The following NUDT7 variants were observed in gnomAD, a reference collection of about 807,000 sequenced individuals.
NUDT7 encodes the protein peroxisomal coenzyme A diphosphatase NUDT7.
A neutral mutation model predicts 13.1 loss-of-function variants in NUDT7; 19 were observed. That is an observed-to-expected ratio of 1.45 (90% CI 1.01 to 2.13). The LOEUF (loss-of-function observed/expected upper bound fraction) is 2.13. NUDT7 is among the 30% of genes most tolerant of loss of function. The pLI, the probability that NUDT7 is intolerant of heterozygous loss-of-function variation, is 0.00. For synonymous variants in NUDT7, 132 were observed against 109.7 expected, an observed-to-expected ratio of 1.20 and a Z score of -1.27; for missense variants, 360 against 291.7, an observed-to-expected ratio of 1.23 and a Z score of -1.71.
intron 3 of NUDT7, among the ~76,000 whole-genome samples, chr16:77,738,107 T>A (rs769294318): frequency 2.6e-5 from 4 of 152,228 alleles, no homozygotes; most frequent in Non-Finnish European, 5.9e-5. Context: ...TGTCAATTAC[T>A]TTTCCATTTG....
chr16:77,735,548 C>T lies in NUDT7; in HGVS notation c.190-280C>T, dbSNP rs545786427. The T allele has an allele frequency of 3.1e-5, 17 of 542,458 alleles. No individual in the cohort carries two copies. The East Asian group carries it at 4.8e-4, about 15-fold the overall frequency. The allele number at this position is 542,458 out of a possible 1,614,324, so 33.6% of individuals were successfully genotyped here. A position where few individuals can be genotyped will look rare whatever the true frequency, so the allele number is the denominator to read the frequency against. ...CTCTTTTCTTTATAAACTACCCAGT[C>T]TCAGTTATTTATTTATAGCAGTGCA... On this transcript the variant is annotated intron_variant, in intron 2 of 3. Coordinates refer to ENST00000268533, the MANE Select transcript of NUDT7 (RefSeq NM_001105663.3).
In NUDT7 at chr16:77,725,488, A is replaced by G. The variant is rs781635296; in HGVS notation, c.93A>G (p.Lys31=). ...TAAGAAAGTATGATATTGGAGGCAA[A>G]TATTCTCACTTGCCATATAACAAAT... ...ARLRKYDIGG[K]YSHLPYNKYS... Residue 31 remains lysine (K), a synonymous_variant, in exon 2 of 4, where the codon AAA becomes AAG. Transcript: ENST00000268533. 7 of 1,613,510 alleles carry G rather than the reference A, an allele frequency of 4.3e-6. No individual in the cohort carries two copies. Among genetic ancestry groups the G allele is most frequent in the Non-Finnish European group, 5.9e-6 (7 of 1,179,454 alleles).
chr16:77,733,575 T>A (rs2014384666), intron 2 of NUDT7, among the ~76,000 whole-genome samples: 1 of 152,228 alleles, frequency 6.6e-6, no homozygotes, highest in Admixed American at 6.5e-5. Context: ...CTTACATAGA[T>A]ATATGGCCTA....
intron 2 of NUDT7, among the ~76,000 whole-genome samples, chr16:77,727,524 A>G (rs915334027): frequency 2.0e-5 from 3 of 152,214 alleles, no homozygotes; most frequent in African/African-American, 7.2e-5. Flanking sequence ...ACCTCTGCCA[A>G]TAAGCACAGG....
chr16:77,740,250 G>T (rs1186010784), intron 3 of NUDT7, among the ~76,000 whole-genome samples: 2 of 152,168 alleles, frequency 1.3e-5, no homozygotes, highest in Non-Finnish European at 2.9e-5. Flanking sequence ...TTAATGGTCT[G>T]AGTTGTCTCT....
chr16:77,735,992 G>C lies in NUDT7; in HGVS notation c.348+6G>C, dbSNP rs759307951. The C allele has an allele frequency of 2.2e-5, 36 of 1,613,462 alleles. No individual in the cohort carries two copies. Among genetic ancestry groups the C allele is most frequent in the South Asian group, 4.4e-5 (4 of 91,050 alleles). ...TGGTGCCATGTCTTATTGATGTAAGGGTTTCCTGAGACACTCATGAGCACC... is the reference window on the plus strand; with the variant it reads ...TGGTGCCATGTCTTATTGATGTAAGCGTTTCCTGAGACACTCATGAGCACC... On this transcript the variant is annotated splice_donor_region_variant and intron_variant, in intron 3 of 3. Transcript: ENST00000268533.
rs370686788 is a variant in NUDT7 at position 77,722,533 on chromosome 16, G to A, written c.-50G>A. Reference sequence around the variant, plus strand: ...AGAGCTGCTCTGCGCAAGCGCGACCGACCGAGCAGCTCCGAGGAGTCCGCC... The same window carrying A: ...AGAGCTGCTCTGCGCAAGCGCGACCAACCGAGCAGCTCCGAGGAGTCCGCC... On this transcript the variant is annotated 5_prime_UTR_variant, in exon 1 of 4. Transcript: ENST00000268533. 3.2e-6 allele frequency: 5 copies of A among 1,539,704 alleles called. No homozygotes were observed. Among genetic ancestry groups the A allele is most frequent in the Middle Eastern group, 1.8e-4 (1 of 5,622 alleles).
Position 77,735,868 on chromosome 16 carries a change from A to G in NUDT7, c.230A>G (p.Lys77Arg). 1 of 1,614,112 alleles carries G rather than the reference A, an allele frequency of 6.2e-7. No homozygotes were observed. Among genetic ancestry groups the G allele is most frequent in the Non-Finnish European group, 8.5e-7 (1 of 1,179,982 alleles). ...APGEVCFPGG[K>R]RDPTDMDDAA... ...GGAGAAGTTTGCTTCCCTGGAGGTA[A>G]GCGTGACCCTACAGACATGGATGAT... The change falls in exon 3 of 4, where the codon AAG becomes AGG. Residue 77 changes from lysine to arginine, a missense_variant. By Grantham distance (26) the Lys-to-Arg change is conservative. Transcript: ENST00000268533.
intron 2 of NUDT7, among the ~76,000 whole-genome samples, chr16:77,730,521 C>T (rs1006132822): frequency 1.3e-5 from 2 of 152,116 alleles, no homozygotes; most frequent in African/African-American, 2.4e-5. Flanking sequence ...TTGATGGATA[C>T]TCAGGTTGAT....
chr16:77,735,716 TG>T, intron 2 of NUDT7, 111 bp from the exon 3 acceptor site: 1 of 968,422 alleles, frequency 1.0e-6, no homozygotes, highest in Non-Finnish European at 1.6e-6. Context: ...TACCACCACC[TG>T]GGTAAGAATG....
chr16:77,727,167 G>A (rs553483032), intron 2 of NUDT7, among the ~76,000 whole-genome samples: 1 of 152,242 alleles, frequency 6.6e-6, no homozygotes, highest in East Asian at 1.9e-4. Flanking sequence ...TTTGGGCAAG[G>A]ACAAATATCG....
intron 2 of NUDT7, among the ~76,000 whole-genome samples, chr16:77,732,257 G>A (rs1317879006): frequency 6.6e-6 from 1 of 151,980 alleles, no homozygotes; most frequent in African/African-American, 2.4e-5. Flanking sequence ...GAACTCAGGA[G>A]TCAGAGGCTG....
intron 1 of NUDT7, among the ~76,000 whole-genome samples, chr16:77,723,869 G>A (rs1428590754): frequency 1.3e-5 from 2 of 152,162 alleles, no homozygotes; most frequent in Non-Finnish European, 2.9e-5. Flanking sequence ...CGGGATTACA[G>A]GCATGAGCCA....
At chr16:77,728,395 G>C (rs113265715) in intron 2 of NUDT7, among the ~76,000 whole-genome samples, 14,462 of 152,104 alleles carry the variant, frequency 0.095, 725 homozygotes, top group South Asian at 0.12. Context: ...ACCACGCCTG[G>C]CTAATTTTTG....
chr16:77,728,546 C>T (rs1483760621), intron 2 of NUDT7, among the ~76,000 whole-genome samples: 1 of 152,058 alleles, frequency 6.6e-6, no homozygotes, highest in Non-Finnish European at 1.5e-5. Flanking sequence ...CTGCAAAGTT[C>T]GTAAATCTCT....
intron 2 of NUDT7, among the ~76,000 whole-genome samples, chr16:77,733,085 G>A (rs1337191290): frequency 6.6e-6 from 1 of 152,128 alleles, no homozygotes; most frequent in Non-Finnish European, 1.5e-5. Flanking sequence ...AGCAATTTCT[G>A]CAGTGTTCCT....
intron 2 of NUDT7, among the ~76,000 whole-genome samples, chr16:77,728,900 C>A (rs1466905410): frequency 2.0e-5 from 3 of 148,492 alleles, no homozygotes; most frequent in Non-Finnish European, 3.0e-5. Flanking sequence ...TGCTCTTCTC[C>A]CCCACACCCT....
At chr16:77,737,036 CATAGGAAACTAGACT>C (rs546921454) in intron 3 of NUDT7, among the ~76,000 whole-genome samples, 2,731 of 147,698 alleles carry the variant, frequency 0.018, 90 homozygotes, top group African/African-American at 0.068. Context: ...GAAACTAGAC[CATAGGAAACTAGACT>C]ATAGGAAATT....
chr16:77,732,096 G>C (rs2014335923), intron 2 of NUDT7, among the ~76,000 whole-genome samples: 1 of 152,144 alleles, frequency 6.6e-6, no homozygotes, highest in Non-Finnish European at 1.5e-5. Context: ...GGAGGCCAAG[G>C]TGGAGGGAAC....
Sources: allele counts gnomAD v4.1 joint callset (sites outside exome capture counted in the v4.1 genomes callset), GRCh38; gene constraint gnomAD v4.1.1; transcripts MANE v1.5; gene names NCBI Gene and HGNC (gene_info 2026-07-23, HGNC 2026-07-21).